Variants in GRIK2 observed in about 807,000 individuals in gnomAD.
GRIK2 encodes glutamate ionotropic receptor kainate type subunit 2.
In GRIK2, 32 loss-of-function variants were observed where a neutral mutation model predicts 100.3. That is an observed-to-expected ratio of 0.32 (90% confidence interval 0.24 to 0.43). GRIK2 has a LOEUF of 0.43. Among genes scored for constraint, GRIK2 ranks in the 20% least tolerant of loss-of-function variants. The pLI, the probability that GRIK2 is intolerant of heterozygous loss-of-function variation, is 1.00. For synonymous variants in GRIK2, 417 were observed against 389.4 expected, an observed-to-expected ratio of 1.07 and a Z score of -0.83; for missense variants, 843 against 1,114.9, an observed-to-expected ratio of 0.76 and a Z score of 3.47.
chr6:101,439,565 C>G (rs1769930715), intron 2 of GRIK2, among the ~76,000 whole-genome samples: 1 of 152,086 alleles, frequency 6.6e-6, no homozygotes, highest in Non-Finnish European at 1.5e-5. Context: ...TTTTCTGATT[C>G]TAAAGACATG....
chr6:101,957,752 C>A (rs1210770784), intron 14 of GRIK2, among the ~76,000 whole-genome samples: 1 of 151,958 alleles, frequency 6.6e-6, no homozygotes, highest in Non-Finnish European at 1.5e-5. Flanking sequence ...GTATGGCAAT[C>A]CAGTTTTCCC....
chr6:101,621,888 AT>A, intron 2 of GRIK2, 60 bp from the exon 3 acceptor site: 1 of 1,157,736 alleles, frequency 8.6e-7, no homozygotes. Flanking sequence ...TATTTTCTTT[AT>A]CTTGTGAAAA....
At chr6:101,694,253 T>C (rs1205445928) in intron 7 of GRIK2, among the ~76,000 whole-genome samples, 1 of 152,006 alleles carries the variant, frequency 6.6e-6, no homozygotes, top group Non-Finnish European at 1.5e-5. Context: ...GGGCACAAAG[T>C]AAAGGAAATA....
rs573772212 is a variant in GRIK2, at chr6:101,789,063, T to A, written c.952-10585T>A. 3.3e-5 allele frequency among the ~76,000 whole-genome samples: 5 copies of A among 152,318 alleles called. No individual in the cohort carries two copies. The East Asian group carries it at 9.7e-4, about 29-fold the overall frequency. ...CCCACTTTTTGATGGGGTTGTTTTT[T>A]TCTTGTCAATTTGTTTGAGTTCATT... On this transcript the variant is annotated intron_variant, in intron 7 of 16. Transcript: ENST00000369134.
Position 101,928,581 on chromosome 6 carries a change from C to G in GRIK2, c.2034C>G (p.Thr678=). The change falls in exon 14 of 17, where the codon ACC becomes ACG. Residue 678 remains threonine, a synonymous_variant. Transcript: ENST00000369134. The stretch of plus-strand genomic sequence containing the variant: ...CTGCTGATGATTTAGCTAAACAAAC[C>G]AAGATAGAATATGGAGCAGTAGAGG... The part of the protein sequence containing the change: ...IDSADDLAKQ[T]KIEYGAVEDG... 1 of 1,607,584 alleles carries G rather than the reference C, an allele frequency of 6.2e-7. No individual in the cohort carries two copies. The highest frequency in any genetic ancestry group is 1.7e-5 in the Admixed American group (1 of 59,970).
At chr6:101,404,879 G>A (rs1775514726) in intron 2 of GRIK2, among the ~76,000 whole-genome samples, 1 of 152,162 alleles carries the variant, frequency 6.6e-6, no homozygotes, top group Non-Finnish European at 1.5e-5. Flanking sequence ...CATCATTATT[G>A]ACTAGTCTAG....
chr6:101,514,768 T>G (rs1774498208), intron 2 of GRIK2, among the ~76,000 whole-genome samples: 1 of 152,130 alleles, frequency 6.6e-6, no homozygotes, highest in African/African-American at 2.4e-5. Context: ...TCTTTAAGTT[T>G]TTTTGAGAAT....
chr6:101,541,649 A>G (rs1259042095), intron 2 of GRIK2, among the ~76,000 whole-genome samples: 1 of 152,078 alleles, frequency 6.6e-6, no homozygotes, highest in African/African-American at 2.4e-5. Flanking sequence ...TTTTGTTAAA[A>G]AACAAATGAA....
At chr6:101,948,771 G>C (rs1323088130) in intron 14 of GRIK2, among the ~76,000 whole-genome samples, 2 of 151,698 alleles carry the variant, frequency 1.3e-5, no homozygotes, top group Admixed American at 1.3e-4. Context: ...CACTGTGCCT[G>C]GCCTAAAAAG....
At chr6:101,959,996 A>T (rs1209146521) in intron 14 of GRIK2, among the ~76,000 whole-genome samples, 1 of 149,800 alleles carries the variant, frequency 6.7e-6, no homozygotes, top group Non-Finnish European at 1.5e-5. Context: ...CCTATAATTC[A>T]TAGGTTTGGT....
chr6:101,584,265 T>C (rs1778239122), intron 2 of GRIK2, among the ~76,000 whole-genome samples: 1 of 152,066 alleles, frequency 6.6e-6, no homozygotes, highest in Non-Finnish European at 1.5e-5. Flanking sequence ...GCAAACTTTC[T>C]CCTCTCAGTT....
Position 101,620,217 on chromosome 6 carries a change from AAAG to A in GRIK2, c.116-1726_116-1724del, listed in dbSNP as rs540918028. ...AATGTTATATATAAGGGTAGAGAGTAAAGAAGAATACCACTGTTCTTCTCCACA... is the reference window on the plus strand; with the variant it reads ...AATGTTATATATAAGGGTAGAGAGTAAAGAATACCACTGTTCTTCTCCACA... On this transcript the variant is annotated intron_variant, in intron 2 of 16. Transcript: ENST00000369134. The A allele has an allele frequency of 1.3e-4, 122 of 908,472 alleles. 1 individual carries two copies. In the South Asian group the frequency reaches 5.3e-3, roughly 39 times the overall value. 56.3% of individuals were successfully genotyped at this position (908,472 alleles called of 1,614,324 possible).
intron 4 of GRIK2, among the ~76,000 whole-genome samples, chr6:101,630,000 A>G (rs914182061): frequency 6.6e-6 from 1 of 152,168 alleles, no homozygotes; most frequent in Admixed American, 6.6e-5. Context: ...TTCACTTAGG[A>G]TAATGGCTTT....
At chr6:101,433,034 C>T (rs1255504410) in intron 2 of GRIK2, among the ~76,000 whole-genome samples, 1 of 152,122 alleles carries the variant, frequency 6.6e-6, no homozygotes, top group Non-Finnish European at 1.5e-5. Context: ...GTTTGAGACA[C>T]AAACGCTGAG....
At chr6:101,616,955 T>C (rs577856657) in intron 2 of GRIK2, among the ~76,000 whole-genome samples, 20 of 151,802 alleles carry the variant, frequency 1.3e-4, no homozygotes, top group African/African-American at 4.6e-4. Context: ...CAGTAGCTAG[T>C]TTTTTTATTG....
At chr6:101,811,108 A>G (rs538327558) in intron 9 of GRIK2, among the ~76,000 whole-genome samples, 11 of 152,174 alleles carry the variant, frequency 7.2e-5, no homozygotes, top group African/African-American at 2.4e-4. Context: ...TTCAAGGAAA[A>G]CTATACTTTG....
At chr6:101,465,437 A>G (rs1243760872) in intron 2 of GRIK2, among the ~76,000 whole-genome samples, 2 of 152,176 alleles carry the variant, frequency 1.3e-5, no homozygotes, top group Non-Finnish European at 2.9e-5. Flanking sequence ...GTTGCTGCAA[A>G]AAACATGTTT....
chr6:101,628,744 A>G (rs180813158), intron 4 of GRIK2, among the ~76,000 whole-genome samples: 4 of 152,232 alleles, frequency 2.6e-5, no homozygotes, highest in Non-Finnish European at 5.9e-5. Flanking sequence ...TTGTCCAAAC[A>G]TCATATATCC....
chr6:101,408,446 G>C (rs1413601302), intron 2 of GRIK2, among the ~76,000 whole-genome samples: 2 of 151,934 alleles, frequency 1.3e-5, no homozygotes, highest in African/African-American at 4.8e-5. Flanking sequence ...ACATGATTAT[G>C]GTATTATGGA....
Sources: allele counts gnomAD v4.1 joint callset (sites outside exome capture counted in the v4.1 genomes callset), GRCh38; gene constraint gnomAD v4.1.1; transcripts MANE v1.5; gene names NCBI Gene and HGNC (gene_info 2026-07-23, HGNC 2026-07-21).